TRAFD1: variants seen among roughly 807,000 people sequenced by gnomAD.
TRAFD1 encodes the protein TRAF-type zinc finger domain containing 1.
Under a neutral mutation model 65.3 loss-of-function variants are expected in TRAFD1, and 38 were observed. The observed-to-expected ratio is 0.58, with a 90% confidence interval of 0.45 to 0.76. The LOEUF is 0.76. TRAFD1 is among the 30% of genes least tolerant of loss of function. TRAFD1 has a pLI of 0.00. For missense variants in TRAFD1, 631 were observed against 712.6 expected, an observed-to-expected ratio of 0.89 and a Z score of 1.30; for synonymous variants, 223 against 257.2, an observed-to-expected ratio of 0.87 and a Z score of 1.27.
At position 112,152,872 on chromosome 12, in the gene TRAFD1, C is replaced by A; in HGVS notation, c.*81C>A. On this transcript the variant is annotated 3_prime_UTR_variant, in exon 12 of 12. Coordinates refer to ENST00000412615, the MANE Select transcript of TRAFD1 (RefSeq NM_006700.3). This position sits in a 1 kb window ranked among gnomAD's most constrained non-coding sequence, Gnocchi z 5.0. The stretch of plus-strand genomic sequence containing the variant: ...CCGCTGTGCAGGCCCACCTCTTTGG[C>A]TCTTTGGGTGGGAGAGTTTTTCCAG... The A allele has an allele frequency of 6.6e-7, 1 of 1,508,254 alleles. No individual in the cohort carries two copies. The highest frequency in any genetic ancestry group is 9.0e-7 in the Non-Finnish European group (1 of 1,106,760). 93.4% of individuals were successfully genotyped at this position (1,508,254 alleles called of 1,614,324 possible). A position where few individuals can be genotyped will look rare whatever the true frequency, so the allele number is the denominator to read the frequency against.
At chr12:112,139,321 G>C (rs2136974349) in intron 4 of TRAFD1, among the ~76,000 whole-genome samples, 1 of 152,138 alleles carries the variant, frequency 6.6e-6, no homozygotes, top group South Asian at 2.1e-4. Flanking sequence ...CTGCACTCCA[G>C]CCTGGGTGAC....
chr12:112,148,914 A>G (rs2030327501), intron 8 of TRAFD1, among the ~76,000 whole-genome samples: 1 of 152,150 alleles, frequency 6.6e-6, no homozygotes, highest in Admixed American at 6.6e-5. Flanking sequence ...CATTTCTGTA[A>G]TAAAGACTCC....
At chr12:112,146,027 G>A (rs1176122851) in intron 7 of TRAFD1, among the ~76,000 whole-genome samples, 2 of 147,808 alleles carry the variant, frequency 1.4e-5, no homozygotes, top group Non-Finnish European at 3.0e-5. Context: ...TGTGGGGTTG[G>A]GGGAGGGGGG....
chr12:112,141,832 AC>A, intron 5 of TRAFD1: 1 of 445,156 alleles, frequency 2.2e-6, no homozygotes, highest in East Asian at 3.7e-5. Context: ...AATGTTTAGC[AC>A]AGTGCCTGTC....
At position 112,137,503 on chromosome 12, in the gene TRAFD1, CT is replaced by C. The variant is rs1471809405; in HGVS notation, c.237+2438del. Among the ~76,000 whole-genome samples the C allele has an allele frequency of 1.3e-5, 2 of 152,316 alleles. No individual in the cohort carries two copies. Among genetic ancestry groups the C allele is most frequent in the East Asian group, 3.9e-4 (2 of 5,174 alleles). ...CTTGGCTGGGCGCAGTGGCTCACGC[CT>C]GTAATCCCAGCACTTTGGGAGGCTG... On this transcript the variant is annotated intron_variant, in intron 4 of 11. Transcript: ENST00000412615. The surrounding 1 kb of genome is among the most constrained non-coding windows in gnomAD (Gnocchi z 4.2).
In TRAFD1 at chr12:112,142,278, C is replaced by T. The variant is rs2030113760; in HGVS notation, c.833C>T (p.Ser278Phe). The T allele has an allele frequency of 4.3e-6, 7 of 1,613,504 alleles. No homozygotes were observed. The highest frequency in any genetic ancestry group is 1.3e-5 in the African/African-American group (1 of 75,014). The part of the protein sequence containing the change: ...EADQSHGGPR[S>F]LSDIKGAADE... Reference sequence around the variant, plus strand: ...GACCAGTCTCATGGCGGTCCCAGGTCTCTCAGTGACATAAAGGGTAGGCTT... The same window carrying T: ...GACCAGTCTCATGGCGGTCCCAGGTTTCTCAGTGACATAAAGGGTAGGCTT... Residue 278 changes from serine (S) to phenylalanine (F), a missense_variant, in exon 6 of 12, where the codon TCT becomes TTT. Physicochemically the swap from Ser to Phe is radical, Grantham distance 155. Transcript: ENST00000412615.
chr12:112,127,276 A>G (rs1264914977), intron 1 of TRAFD1, among the ~76,000 whole-genome samples: 1 of 152,076 alleles, frequency 6.6e-6, no homozygotes, highest in Non-Finnish European at 1.5e-5. Context: ...ACTCTTATCT[A>G]CCTAAAGTAG....
intron 1 of TRAFD1, among the ~76,000 whole-genome samples, chr12:112,126,394 C>T (rs2079537818): frequency 6.6e-6 from 1 of 152,146 alleles, no homozygotes; most frequent in African/African-American, 2.4e-5. Flanking sequence ...TGCATTCGCC[C>T]GTTTCCTTGA....
intron 9 of TRAFD1, among the ~76,000 whole-genome samples, chr12:112,150,633 C>G (rs904811436): frequency 6.6e-6 from 1 of 151,894 alleles, no homozygotes. Context: ...TCACTGCAGT[C>G]TCAACCTCTT....
chr12:112,134,867 C>G lies in TRAFD1; in HGVS notation c.177C>G (p.His59Gln). 2 of 1,612,802 alleles carry G rather than the reference C, an allele frequency of 1.2e-6. No homozygotes were observed. The highest frequency in any genetic ancestry group is 1.7e-6 in the Non-Finnish European group (2 of 1,178,752). ...SDMETHMAAE[H>Q]CQVTCKCNKK... is the part of the protein sequence containing the mutation. ...TGGAGACTCACATGGCTGCAGAACA[C>G]TGTCAGGTGAGCCACCAAGTACTCA... Residue 59 changes from histidine (H) to glutamine (Q), a missense_variant, in exon 3 of 12, where the codon CAC becomes CAG. By Grantham distance (24) the His-to-Gln change is conservative. Transcript: ENST00000412615.
At chr12:112,132,822 T>G (rs1440325871) in intron 2 of TRAFD1, among the ~76,000 whole-genome samples, 4 of 152,202 alleles carry the variant, frequency 2.6e-5, no homozygotes, top group African/African-American at 9.7e-5. Flanking sequence ...AATAAGCTAT[T>G]TATAATTTAG....
At chr12:112,134,383 G>A (rs1305188699) in intron 2 of TRAFD1, among the ~76,000 whole-genome samples, 3 of 148,122 alleles carry the variant, frequency 2.0e-5, no homozygotes, top group Non-Finnish European at 3.0e-5. Context: ...AGCCTCCCGA[G>A]TAGCTGGGAT....
Position 112,141,235 on chromosome 12 carries a change from C to A in TRAFD1, c.643+11C>A. The A allele has an allele frequency of 6.2e-7, 1 of 1,612,258 alleles. No homozygotes were observed. The highest frequency in any genetic ancestry group is 8.5e-7 in the Non-Finnish European group (1 of 1,178,906). On this transcript the variant is annotated intron_variant, in intron 5 of 11. Transcript: ENST00000412615. ...TTCAGAATAATCTGTGTGAGTTGTG[C>A]TTGGGATTAGGGAACTAGAATGGTA...
rs2030308407 is a variant in TRAFD1 at position 112,148,199 on chromosome 12, C to T, written c.1053C>T (p.Asp351=). Residue 351 remains aspartate (D), a synonymous_variant, in exon 8 of 12, where the codon GAC becomes GAT. Coordinates refer to ENST00000412615, the MANE Select transcript of TRAFD1 (RefSeq NM_006700.3). ...FLQQAASNQL[D]SLMGLSNSHP... is the part of the protein sequence containing the mutation. ...AACAGGCTGCAAGTAACCAGTTAGA[C>T]TCTTTGATGGGCCTGAGCAATTCAC... is the stretch of plus-strand genomic sequence containing the variant. 1.2e-6 allele frequency: 2 copies of T among 1,614,072 alleles called. No individual in the cohort carries two copies. The highest frequency in any genetic ancestry group is 1.1e-5 in the South Asian group (1 of 91,088).
At chr12:112,144,352 C>T (rs1212216551) in intron 6 of TRAFD1, among the ~76,000 whole-genome samples, 4 of 151,956 alleles carry the variant, frequency 2.6e-5, no homozygotes, top group African/African-American at 9.7e-5. Flanking sequence ...TCATTGCAAC[C>T]TCCGCCTCTG....
chr12:112,141,477 A>C, intron 5 of TRAFD1: 1 of 452,128 alleles, frequency 2.2e-6, no homozygotes, highest in Non-Finnish European at 3.9e-6. Context: ...CCTTATCCAA[A>C]ATACTTGGGG....
Position 112,153,565 on chromosome 12 carries a change from A to G in TRAFD1, c.*774A>G, listed in dbSNP as rs1338233181. On this transcript the variant is annotated 3_prime_UTR_variant, in exon 12 of 12. Coordinates refer to ENST00000412615, the MANE Select transcript of TRAFD1 (RefSeq NM_006700.3). Reference sequence around the variant, plus strand: ...TATTTTACTGTTATAATAATTATTAACTTCCTTGTAATAGAAATAAAGTTT... The same window carrying G: ...TATTTTACTGTTATAATAATTATTAGCTTCCTTGTAATAGAAATAAAGTTT... 7 of 152,168 alleles carry G rather than the reference A, an allele frequency of 4.6e-5. No homozygotes were observed. Among genetic ancestry groups the G allele is most frequent in the Non-Finnish European group, 1.0e-4 (7 of 68,046 alleles). The allele number at this position is 152,168 out of a possible 1,614,324, so 9.4% of individuals were successfully genotyped here. A position where few individuals can be genotyped will look rare whatever the true frequency, so the allele number is the denominator to read the frequency against.
intron 1 of TRAFD1, among the ~76,000 whole-genome samples, chr12:112,126,914 A>G (rs569750883): frequency 7.6e-4 from 116 of 152,124 alleles, no homozygotes; most frequent in Non-Finnish European, 1.4e-3. Context: ...TCGCCCTCCC[A>G]AAGTGCTGGG....
In TRAFD1 at chr12:112,144,284, T is replaced by TC. The variant is rs1441113330; in HGVS notation, c.851-1301dup. ...TGGCCTGGACTTTTTTTTTTTTTTT[T>TC]CTTGAGACAGAGTCTCCCTCTGTTG... On this transcript the variant is annotated intron_variant, in intron 6 of 11. Coordinates refer to ENST00000412615, the MANE Select transcript of TRAFD1 (RefSeq NM_006700.3). Among the ~76,000 whole-genome samples the TC allele has an allele frequency of 1.3e-4, 19 of 151,020 alleles. No homozygotes were observed. In the South Asian group the frequency reaches 3.6e-3, roughly 28 times the overall value.
Sources: gnomAD v4.1 joint callset for allele counts (sites outside exome capture counted in the v4.1 genomes callset) on GRCh38, gnomAD v4.1.1 for gene constraint, Gnocchi (gnomAD v3.1) non-coding constraint, MANE v1.5 for transcripts, NCBI Gene and HGNC (gene_info 2026-07-23, HGNC 2026-07-21) for gene names.